Variants in ACTR3C observed in about 807,000 individuals in gnomAD.
ACTR3C encodes actin related protein 3C.
In ACTR3C, 18 loss-of-function variants were observed where a neutral mutation model predicts 26.3. That is an observed-to-expected ratio of 0.68 (90% CI 0.47 to 1.01). ACTR3C has a LOEUF of 1.01. Among genes scored for constraint, ACTR3C ranks in the 50% least tolerant of loss-of-function variants. The probability of loss-of-function intolerance (pLI) is 0.00; values close to 1 mark genes in which losing one functional copy is unlikely to be tolerated. For missense variants in ACTR3C, 184 were observed against 250.7 expected, an observed-to-expected ratio of 0.73 and a Z score of 1.80; for synonymous variants, 55 against 94.5, an observed-to-expected ratio of 0.58 and a Z score of 2.42.
chr7:150,264,478 A>G, intron 6 of ACTR3C: 1 of 650,072 alleles, frequency 1.5e-6, no homozygotes, highest in South Asian at 7.1e-5. Flanking sequence ...GAAAGTACGC[A>G]GCAAATGAGA....
At chr7:150,303,410 T>C (rs1795584211) in intron 1 of ACTR3C, among the ~76,000 whole-genome samples, 1 of 152,242 alleles carries the variant, frequency 6.6e-6, no homozygotes, top group East Asian at 1.9e-4. Flanking sequence ...CACTGGACTC[T>C]ACTGCAAATT....
At chr7:150,209,764 A>AC in the ACTR3C span, among the ~76,000 whole-genome samples, 17 of 88,726 alleles carry the variant, frequency 1.9e-4, no homozygotes, top group East Asian at 1.3e-3. Context: ...CACACACACA[A>AC]AATTAGCTGG....
chr7:149,957,097 G>A, the ACTR3C span, among the ~76,000 whole-genome samples: 2 of 152,236 alleles, frequency 1.3e-5, no homozygotes, highest in African/African-American at 4.8e-5. Flanking sequence ...TTGTGGTCCA[G>A]CATGAATAGC....
At chr7:150,110,426 GAAGC>G in the ACTR3C span, among the ~76,000 whole-genome samples, 2,497 of 123,374 alleles carry the variant, frequency 0.02, 41 homozygotes, top group Non-Finnish European at 0.024. Flanking sequence ...AGCAAGGCTG[GAAGC>G]AGGTGGGGCT....
At chr7:150,106,190 G>C in the ACTR3C span, among the ~76,000 whole-genome samples, 8 of 151,528 alleles carry the variant, frequency 5.3e-5, no homozygotes, top group East Asian at 1.4e-3. Context: ...TCTAGACCCT[G>C]CTAACCAGGG....
At chr7:150,005,625 G>A in the ACTR3C span, among the ~76,000 whole-genome samples, 1 of 152,080 alleles carries the variant, frequency 6.6e-6, no homozygotes, top group Non-Finnish European at 1.5e-5. Context: ...GGGAAGAGGA[G>A]GTGAGGAAGG....
At chr7:150,303,285 A>G (rs1795570260) in intron 1 of ACTR3C, among the ~76,000 whole-genome samples, 1 of 152,218 alleles carries the variant, frequency 6.6e-6, no homozygotes, top group Admixed American at 6.5e-5. Flanking sequence ...CAGAGGTGAT[A>G]GCTGGAGGTG....
At chr7:149,886,840 G>C in the ACTR3C span, among the ~76,000 whole-genome samples, 1 of 152,058 alleles carries the variant, frequency 6.6e-6, no homozygotes, top group Non-Finnish European at 1.5e-5. Flanking sequence ...TGAGCCTGTA[G>C]TCCCAGCTAC....
chr7:150,186,724 T>C, the ACTR3C span, among the ~76,000 whole-genome samples: 1 of 152,186 alleles, frequency 6.6e-6, no homozygotes, highest in African/African-American at 2.4e-5. Context: ...TTTGCCCAAG[T>C]ACGTTCTTCA....
chr7:150,289,122 C>T (rs1324928496), intron 4 of ACTR3C, among the ~76,000 whole-genome samples: 1 of 151,972 alleles, frequency 6.6e-6, no homozygotes, highest in South Asian at 2.1e-4. Context: ...GATTCTACAG[C>T]GAAGCATGGA....
the ACTR3C span, among the ~76,000 whole-genome samples, chr7:150,204,555 T>C: frequency 2.6e-5 from 4 of 152,202 alleles, no homozygotes; most frequent in Admixed American, 2.0e-4. Flanking sequence ...CGGCTTTGTG[T>C]ATTTGTCACA....
chr7:149,906,412 CTTTTTTTTTTTTTTTT>C, the ACTR3C span, among the ~76,000 whole-genome samples: 2 of 72,100 alleles, frequency 2.8e-5, no homozygotes, highest in African/African-American at 9.9e-5. Context: ...GGGTTTGTTT[CTTTTTTTTTTTTTTTT>C]TTTTTTTTTT....
At chr7:150,306,320 A>G (rs1053424305) in intron 1 of ACTR3C, among the ~76,000 whole-genome samples, 2 of 151,976 alleles carry the variant, frequency 1.3e-5, no homozygotes, top group Non-Finnish European at 2.9e-5. Flanking sequence ...CATGCCTAAG[A>G]TTAGATGTCC....
the ACTR3C span, among the ~76,000 whole-genome samples, chr7:150,105,676 G>A: frequency 6.6e-6 from 1 of 152,012 alleles, no homozygotes; most frequent in Admixed American, 6.6e-5. Context: ...AAATGTAAAA[G>A]ACATTGCACT....
At chr7:149,996,598 T>TAAATAAATAAAC in the ACTR3C span, among the ~76,000 whole-genome samples, 157 of 151,980 alleles carry the variant, frequency 1.0e-3, no homozygotes, top group African/African-American at 3.7e-3. Flanking sequence ...AATAAATAAA[T>TAAATAAATAAAC]AAAAAATAAA....
intron 6 of ACTR3C, chr7:150,265,005 A>G (rs1336444664): frequency 2.7e-6 from 1 of 365,664 alleles, no homozygotes; most frequent in African/African-American, 2.3e-5. Flanking sequence ...GCTCTTGTGC[A>G]TAAGGCTCTG....
the ACTR3C span, among the ~76,000 whole-genome samples, chr7:150,058,978 C>G: frequency 1.3e-5 from 2 of 152,122 alleles, no homozygotes; most frequent in Admixed American, 1.3e-4. Context: ...TGCAAGGATG[C>G]ACACCTTGAG....
chr7:150,056,742 T>C, the ACTR3C span, among the ~76,000 whole-genome samples: 1 of 147,084 alleles, frequency 6.8e-6, no homozygotes, highest in Non-Finnish European at 1.5e-5. Context: ...CTCAGTCCTC[T>C]GCAGCGCACC....
At chr7:149,955,009 G>A in the ACTR3C span, among the ~76,000 whole-genome samples, 1 of 152,190 alleles carries the variant, frequency 6.6e-6, no homozygotes, top group African/African-American at 2.4e-5. Context: ...ATTAAATCCA[G>A]GTATACACTA....
Sources: allele counts gnomAD v4.1 joint callset (sites outside exome capture counted in the v4.1 genomes callset), GRCh38; gene constraint gnomAD v4.1.1; transcripts MANE v1.5; gene names NCBI Gene and HGNC (gene_info 2026-07-23, HGNC 2026-07-21).